TMEM132D: variants seen among roughly 807,000 people sequenced by gnomAD.
The protein encoded by TMEM132D is mature OL transmembrane protein.
Under a neutral mutation model 62.3 loss-of-function variants are expected in TMEM132D, and 21 were observed. The observed-to-expected ratio is 0.34, with a 90% CI of 0.24 to 0.49. The LOEUF is 0.49. Ranked by LOEUF, TMEM132D falls within the 20% of genes least tolerant of loss-of-function variation. The probability of loss-of-function intolerance (pLI) is 0.99; values close to 1 mark genes in which losing one functional copy is unlikely to be tolerated. For synonymous variants in TMEM132D, 621 were observed against 575.6 expected (o/e 1.08, Z -1.13); for missense variants, 1,346 against 1,402.8 (o/e 0.96, Z 0.65).
At chr12:129,140,070 T>A (rs948541993) in intron 5 of TMEM132D, among the ~76,000 whole-genome samples, 2 of 152,256 alleles carry the variant, frequency 1.3e-5, no homozygotes, top group Non-Finnish European at 2.9e-5. Context: ...TCATTTTTTT[T>A]AAGATATTGT....
chr12:129,605,440 G>GA (rs1325373881), intron 2 of TMEM132D, among the ~76,000 whole-genome samples: 2 of 151,392 alleles, frequency 1.3e-5, no homozygotes, highest in African/African-American at 4.9e-5. Context: ...TCACATCCAG[G>GA]AAAAAATGGT....
chr12:129,521,005 C>T (rs1056161494), intron 3 of TMEM132D, among the ~76,000 whole-genome samples: 5 of 152,210 alleles, frequency 3.3e-5, no homozygotes, highest in South Asian at 2.1e-4. Context: ...ACAAAAAACA[C>T]CCAGTGGCTG....
intron 2 of TMEM132D, among the ~76,000 whole-genome samples, chr12:129,623,337 G>T (rs1436819358): frequency 6.6e-6 from 1 of 152,070 alleles, no homozygotes; most frequent in Non-Finnish European, 1.5e-5. Flanking sequence ...TGACATAGAT[G>T]AATTATATAG....
intron 2 of TMEM132D, among the ~76,000 whole-genome samples, chr12:129,606,954 A>G (rs1015889092): frequency 7.2e-5 from 11 of 152,188 alleles, no homozygotes; most frequent in African/African-American, 2.7e-4. Context: ...TTTCCAACGA[A>G]CATTTATTAT....
intron 3 of TMEM132D, among the ~76,000 whole-genome samples, chr12:129,479,355 C>G (rs1429786318): frequency 6.6e-6 from 1 of 151,950 alleles, no homozygotes; most frequent in Non-Finnish European, 1.5e-5. Flanking sequence ...TTCCAGAAGA[C>G]AGAGAATCTT....
intron 3 of TMEM132D, among the ~76,000 whole-genome samples, chr12:129,422,927 G>A (rs377732668): frequency 1.4e-5 from 2 of 146,396 alleles, no homozygotes; most frequent in East Asian, 4.0e-4. Flanking sequence ...ATACATACAT[G>A]CAGAATAAAA....
chr12:129,404,817 A>G (rs1871731211), intron 3 of TMEM132D, among the ~76,000 whole-genome samples: 1 of 152,160 alleles, frequency 6.6e-6, no homozygotes, highest in Non-Finnish European at 1.5e-5. Context: ...ATCACCTCCC[A>G]CCAGGCCCCA....
chr12:129,902,763 T>G (rs972210503), intron 1 of TMEM132D, among the ~76,000 whole-genome samples: 5 of 152,046 alleles, frequency 3.3e-5, no homozygotes, highest in Admixed American at 2.6e-4. Context: ...GGCTATATTT[T>G]TGGCAGCCTA....
intron 1 of TMEM132D, among the ~76,000 whole-genome samples, chr12:129,777,088 A>T (rs1870962989): frequency 2.6e-5 from 4 of 152,216 alleles, no homozygotes; most frequent in Non-Finnish European, 5.9e-5. Flanking sequence ...CTGGGTCTAT[A>T]AATTGTAAAC....
chr12:129,325,802 C>T (rs898225315), intron 4 of TMEM132D, among the ~76,000 whole-genome samples: 1 of 152,204 alleles, frequency 6.6e-6, no homozygotes, highest in African/African-American at 2.4e-5. Context: ...AAATCAGTTT[C>T]CAGTTCTCCT....
intron 5 of TMEM132D, among the ~76,000 whole-genome samples, chr12:129,136,795 C>CCACCACCATCACCAT (rs1456515425): frequency 6.7e-6 from 1 of 148,758 alleles, no homozygotes; most frequent in African/African-American, 2.5e-5. Context: ...ATCACCATCA[C>CCACCACCATCACCAT]CATCATCACC....
intron 2 of TMEM132D, among the ~76,000 whole-genome samples, chr12:129,658,641 C>A (rs1880159658): frequency 6.6e-6 from 1 of 152,182 alleles, no homozygotes; most frequent in Admixed American, 6.5e-5. Context: ...GCTGGGACTT[C>A]TGAGACTGCA....
chr12:129,850,208 G>C (rs1198965262), intron 1 of TMEM132D, among the ~76,000 whole-genome samples: 1 of 152,168 alleles, frequency 6.6e-6, no homozygotes, highest in Admixed American at 6.5e-5. Flanking sequence ...TTTTTGCAAA[G>C]CTCCAATCTG....
chr12:129,333,192 T>C (rs1869165647), intron 4 of TMEM132D, among the ~76,000 whole-genome samples: 1 of 152,220 alleles, frequency 6.6e-6, no homozygotes, highest in Non-Finnish European at 1.5e-5. Flanking sequence ...TAATATTTCA[T>C]GTTGGAGGAA....
At chr12:129,865,993 G>A (rs1422758592) in intron 1 of TMEM132D, among the ~76,000 whole-genome samples, 4 of 152,108 alleles carry the variant, frequency 2.6e-5, no homozygotes, top group Admixed American at 6.5e-5. Flanking sequence ...CTAAGACATC[G>A]TTAAGTTTGG....
intron 3 of TMEM132D, among the ~76,000 whole-genome samples, chr12:129,441,640 T>C (rs1234493715): frequency 6.6e-6 from 1 of 152,156 alleles, no homozygotes; most frequent in Non-Finnish European, 1.5e-5. Context: ...CTACTGGGTG[T>C]ATACTCAAAG....
At position 129,327,210 on chromosome 12, in the gene TMEM132D, G is replaced by A. The variant is rs115320986; in HGVS notation, c.1299+10424C>T. ...ATTGGCTGAATTCAAGCAGAAGCCA[G>A]TGGGCGGGGCAGCCTGTTCCATGAA... On this transcript the variant is annotated intron_variant, in intron 4 of 8. Transcript: ENST00000422113. Among the ~76,000 whole-genome samples the A allele has an allele frequency of 3.4e-3, 512 of 152,268 alleles. 1 individual carries two copies. The highest frequency in any genetic ancestry group is 0.012 in the African/African-American group (490 of 41,562).
At chr12:129,754,134 C>G (rs576113527) in intron 1 of TMEM132D, among the ~76,000 whole-genome samples, 6 of 152,076 alleles carry the variant, frequency 3.9e-5, no homozygotes, top group Non-Finnish European at 7.4e-5. Context: ...AAGAAAAGAG[C>G]GGGAAAAGTA....
At chr12:129,799,984 A>G (rs980931332) in intron 1 of TMEM132D, among the ~76,000 whole-genome samples, 3 of 152,188 alleles carry the variant, frequency 2.0e-5, no homozygotes, top group Non-Finnish European at 4.4e-5. Context: ...GTCACAGGAC[A>G]TGCTGCCTCA....
Sources: gnomAD v4.1 joint callset for allele counts (sites outside exome capture counted in the v4.1 genomes callset) on GRCh38, gnomAD v4.1.1 for gene constraint, MANE v1.5 for transcripts, NCBI Gene and HGNC (gene_info 2026-07-23, HGNC 2026-07-21) for gene names.